Variants in APBB2 observed in about 807,000 individuals in gnomAD.
APBB2 encodes the protein amyloid beta precursor protein binding family B member 2.
APBB2 carries 38 observed loss-of-function variants against 82.5 expected under a neutral mutation model. That is an observed-to-expected ratio of 0.46 (90% confidence interval 0.36 to 0.60). APBB2 has a LOEUF of 0.60. Among genes scored for constraint, APBB2 ranks in the 20% least tolerant of loss-of-function variants. APBB2 has a pLI of 0.00. For missense variants in APBB2, 772 were observed against 972.3 expected (o/e 0.79, Z 2.74); for synonymous variants, 341 against 368.2 (o/e 0.93, Z 0.85).
At chr4:40,825,837 T>C in intron 15 of APBB2, 50 bp downstream of exon 15, 1 of 1,508,212 alleles carries the variant, frequency 6.6e-7, no homozygotes, top group Non-Finnish European at 9.2e-7. Context: ...ACGCCTCCTG[T>C]GAGCTCCCGC....
intron 1 of APBB2, among the ~76,000 whole-genome samples, chr4:41,203,161 TTTTG>T (rs910135388): frequency 6.6e-6 from 1 of 151,874 alleles, no homozygotes; most frequent in African/African-American, 2.4e-5. Flanking sequence ...CTCACTTTAT[TTTTG>T]TTTCTTATTT....
At position 40,830,213 on chromosome 4, in the gene APBB2, T is replaced by C. The variant is rs6829513; in HGVS notation, c.1644+250A>G. ...TGACTTGGCTGAACACACACACACA[T>C]ATATATATATATATGTTTCCAGGCG... On this transcript the variant is annotated intron_variant, in intron 13 of 17. Transcript: ENST00000508593. Among the ~76,000 whole-genome samples, 53,784 of 148,652 alleles carry C rather than the reference T, an allele frequency of 0.36. 9,903 individuals carry two copies. The highest frequency in any genetic ancestry group is 0.44 in the African/African-American group (17,999 of 40,666).
At chr4:41,155,625 G>C (rs1383287484) in intron 1 of APBB2, among the ~76,000 whole-genome samples, 1 of 152,252 alleles carries the variant, frequency 6.6e-6, no homozygotes, top group East Asian at 1.9e-4. Flanking sequence ...TACTCAGACA[G>C]ACGAGACAGT....
At chr4:41,005,654 T>A (rs901700785) in intron 6 of APBB2, among the ~76,000 whole-genome samples, 1 of 152,188 alleles carries the variant, frequency 6.6e-6, no homozygotes, top group Non-Finnish European at 1.5e-5. Flanking sequence ...AAGCTGCCAC[T>A]GTCCACAGGA....
chr4:40,910,837 C>T (rs1449683531), intron 10 of APBB2, among the ~76,000 whole-genome samples: 1 of 152,284 alleles, frequency 6.6e-6, no homozygotes, highest in East Asian at 1.9e-4. Flanking sequence ...GTTTCCTCAT[C>T]TGCATCACCG....
intron 6 of APBB2, among the ~76,000 whole-genome samples, chr4:40,945,377 C>G (rs1788089976): frequency 6.6e-6 from 1 of 152,074 alleles, no homozygotes; most frequent in Admixed American, 6.5e-5. Flanking sequence ...AAGCTCCAAA[C>G]CAGAATCAAT....
At chr4:41,124,077 C>T (rs10516998) in intron 2 of APBB2, among the ~76,000 whole-genome samples, 10,617 of 152,124 alleles carry the variant, frequency 0.07, 536 homozygotes, top group Non-Finnish European at 0.1. Flanking sequence ...ATATACAGTG[C>T]GGAATATCCT....
At chr4:41,143,375 G>A (rs1344144901) in intron 1 of APBB2, among the ~76,000 whole-genome samples, 1 of 152,196 alleles carries the variant, frequency 6.6e-6, no homozygotes, top group Non-Finnish European at 1.5e-5. Context: ...ATTATGCTCT[G>A]TTTGTGGGAA....
At chr4:41,007,464 G>A (rs1173121025) in intron 6 of APBB2, among the ~76,000 whole-genome samples, 1 of 152,046 alleles carries the variant, frequency 6.6e-6, no homozygotes, top group Non-Finnish European at 1.5e-5. Context: ...TCAATCCAAG[G>A]CAAAGCGTGA....
At chr4:40,825,522 C>T (rs1346306709) in intron 15 of APBB2, among the ~76,000 whole-genome samples, 4 of 152,246 alleles carry the variant, frequency 2.6e-5, no homozygotes, top group African/African-American at 9.6e-5. Context: ...TTTCTCCTGG[C>T]CCGCCAGCTG....
chr4:41,031,147 C>T (rs1367613783), intron 5 of APBB2, among the ~76,000 whole-genome samples: 2 of 152,114 alleles, frequency 1.3e-5, no homozygotes, highest in Non-Finnish European at 2.9e-5. Flanking sequence ...ATCGCTTGAA[C>T]CTGGGAGGCA....
At chr4:41,145,070 T>A (rs974463028) in intron 1 of APBB2, among the ~76,000 whole-genome samples, 1 of 152,216 alleles carries the variant, frequency 6.6e-6, no homozygotes, top group Non-Finnish European at 1.5e-5. Context: ...CAGTGAGCCA[T>A]GTTCACGTCA....
intron 5 of APBB2, among the ~76,000 whole-genome samples, chr4:41,024,314 A>C (rs1264413095): frequency 6.6e-6 from 1 of 152,216 alleles, no homozygotes; most frequent in Non-Finnish European, 1.5e-5. Flanking sequence ...GATCAAAACA[A>C]ATTGACAAGT....
chr4:41,166,621 C>T (rs996730080), intron 1 of APBB2, among the ~76,000 whole-genome samples: 1 of 151,316 alleles, frequency 6.6e-6, no homozygotes, highest in Admixed American at 6.6e-5. Context: ...GGTGCGGTGG[C>T]TCAGTGGCTT....
chr4:40,973,947 G>A (rs555515789), intron 6 of APBB2, among the ~76,000 whole-genome samples: 1 of 151,584 alleles, frequency 6.6e-6, no homozygotes, highest in East Asian at 1.9e-4. Context: ...CGCCCCCCAA[G>A]TTCAAGCAAT....
intron 4 of APBB2, among the ~76,000 whole-genome samples, chr4:41,046,919 G>A (rs1723631794): frequency 6.6e-6 from 1 of 152,198 alleles, no homozygotes; most frequent in Non-Finnish European, 1.5e-5. Flanking sequence ...TTCTTGATCT[G>A]TGATTCTGAT....
intron 10 of APBB2, among the ~76,000 whole-genome samples, chr4:40,915,228 C>T (rs1181759875): frequency 6.6e-6 from 1 of 152,160 alleles, no homozygotes; most frequent in Admixed American, 6.5e-5. Context: ...TCATCTCGTA[C>T]TCAGTGTCAC....
intron 6 of APBB2, among the ~76,000 whole-genome samples, chr4:40,945,863 C>A (rs1374227976): frequency 6.6e-6 from 1 of 152,206 alleles, no homozygotes; most frequent in Admixed American, 6.5e-5. Flanking sequence ...CAACCTTGGC[C>A]TCCCAAAGTG....
intron 1 of APBB2, among the ~76,000 whole-genome samples, chr4:41,195,850 T>A: frequency 6.6e-6 from 1 of 152,106 alleles, no homozygotes. Flanking sequence ...CTCTTTCAAG[T>A]CCTCTCCTCG....
Sources: allele counts gnomAD v4.1 joint callset (sites outside exome capture counted in the v4.1 genomes callset), GRCh38; gene constraint gnomAD v4.1.1; transcripts MANE v1.5; gene names NCBI Gene and HGNC (gene_info 2026-07-23, HGNC 2026-07-21).